Variants in RIT2 observed in about 807,000 individuals in gnomAD.
RIT2 encodes Ras like without CAAX 2, also known as GTP-binding protein Rit2.
RIT2 carries 24 observed loss-of-function variants against 23.7 expected under a neutral mutation model. The ratio of observed to expected loss-of-function variants is 1.01; its 90% CI spans 0.73 to 1.43. The LOEUF (loss-of-function observed/expected upper bound fraction) is 1.43, where lower values mean the gene tolerates loss of function less well. RIT2 is among the 40% of genes most tolerant of loss of function. The probability of loss-of-function intolerance (pLI) is 0.00; values close to 1 mark genes in which losing one functional copy is unlikely to be tolerated. For missense variants in RIT2, 236 were observed against 266.9 expected (o/e 0.88, Z 0.81); for synonymous variants, 107 against 91.1 (o/e 1.17, Z -0.99).
chr18:43,085,489 C>T (rs1913261751), intron 1 of RIT2, among the ~76,000 whole-genome samples: 1 of 152,150 alleles, frequency 6.6e-6, no homozygotes. Context: ...TCAATATCTT[C>T]TCTTTTTTCA....
chr18:42,835,085 T>C, intron 4 of RIT2, among the ~76,000 whole-genome samples: 1 of 152,174 alleles, frequency 6.6e-6, no homozygotes, highest in East Asian at 1.9e-4. Context: ...AGTTACAATG[T>C]TTCACTTTTA....
chr18:42,864,916 A>AT (rs1260607742), intron 4 of RIT2, among the ~76,000 whole-genome samples: 69 of 152,172 alleles, frequency 4.5e-4, no homozygotes, highest in African/African-American at 2.4e-5. Context: ...TATGCCTTGT[A>AT]TAAAAAGCCC....
intron 4 of RIT2, among the ~76,000 whole-genome samples, chr18:42,908,141 A>T (rs1465658139): frequency 6.6e-6 from 1 of 151,976 alleles, no homozygotes; most frequent in Non-Finnish European, 1.5e-5. Context: ...ACAAAGAAAA[A>T]AAAAAGCAAA....
At chr18:42,856,799 G>A (rs1907192735) in intron 4 of RIT2, among the ~76,000 whole-genome samples, 1 of 148,522 alleles carries the variant, frequency 6.7e-6, no homozygotes, top group Admixed American at 6.7e-5. Flanking sequence ...GCAATTCCTT[G>A]AGAAGTCTTT....
At chr18:43,041,966 A>G (rs1912138529) in intron 1 of RIT2, among the ~76,000 whole-genome samples, 1 of 152,126 alleles carries the variant, frequency 6.6e-6, no homozygotes, top group African/African-American at 2.4e-5. Context: ...ATAACTCATT[A>G]TTCCTCCTCC....
chr18:42,925,385 A>G (rs1598717288), intron 3 of RIT2, among the ~76,000 whole-genome samples: 1 of 152,184 alleles, frequency 6.6e-6, no homozygotes, highest in East Asian at 1.9e-4. Context: ...TCTCAAACTC[A>G]TAATTACATT....
intron 2 of RIT2, among the ~76,000 whole-genome samples, chr18:43,011,412 G>A (rs1206739632): frequency 6.6e-6 from 1 of 151,800 alleles, no homozygotes; most frequent in African/African-American, 2.4e-5. Context: ...ATCAGAGTGA[G>A]ACAAGACAAA....
chr18:43,087,596 T>C (rs1265596117), intron 1 of RIT2, among the ~76,000 whole-genome samples: 1 of 152,198 alleles, frequency 6.6e-6, no homozygotes, highest in Non-Finnish European at 1.5e-5. Context: ...TTCAACAATG[T>C]TGTGAATAAA....
intron 3 of RIT2, among the ~76,000 whole-genome samples, chr18:42,937,585 C>A (rs1038556464): frequency 6.6e-6 from 1 of 152,100 alleles, no homozygotes; most frequent in African/African-American, 2.4e-5. Flanking sequence ...AGGAGATGTG[C>A]TCTGGAAAGC....
chr18:43,105,450 AAGGAAGGGAGGAAGGGAGGAAGAG>A (rs1271845848), intron 1 of RIT2, among the ~76,000 whole-genome samples: 42 of 67,566 alleles, frequency 6.2e-4, no homozygotes, highest in Non-Finnish European at 1.0e-3. Flanking sequence ...GGAACAAAAA[AAGGAAGGGAGGAAGGGAGGAAGAG>A]AGGAAGGGAG....
chr18:42,906,007 CAT>C (rs1167959698), intron 4 of RIT2, among the ~76,000 whole-genome samples: 197 of 3,172 alleles, frequency 0.062, 1 homozygote, highest in Middle Eastern at 0.15. Context: ...TATATATATA[CAT>C]ATATATATAT....
At chr18:42,871,004 G>T (rs1433220454) in intron 4 of RIT2, among the ~76,000 whole-genome samples, 1 of 152,116 alleles carries the variant, frequency 6.6e-6, no homozygotes, top group Non-Finnish European at 1.5e-5. Context: ...GATGTGGACT[G>T]CAAAGCTATC....
At chr18:42,997,336 G>C (rs1438467570) in intron 2 of RIT2, among the ~76,000 whole-genome samples, 3 of 151,506 alleles carry the variant, frequency 2.0e-5, no homozygotes, top group Non-Finnish European at 4.4e-5. Context: ...TCAAAGTTAT[G>C]ACTGCATTTG....
At chr18:42,804,662 G>A (rs183254712) in intron 4 of RIT2, among the ~76,000 whole-genome samples, 1 of 149,302 alleles carries the variant, frequency 6.7e-6, no homozygotes, top group Admixed American at 6.7e-5. Flanking sequence ...CACAATAAAT[G>A]ATTAACTCAT....
chr18:42,814,958 C>G (rs1905953859), intron 4 of RIT2, among the ~76,000 whole-genome samples: 1 of 152,082 alleles, frequency 6.6e-6, no homozygotes, highest in Admixed American at 6.5e-5. Flanking sequence ...GAAGTCACAT[C>G]CATAGGAAAA....
chr18:42,844,455 G>T (rs971170738), intron 4 of RIT2, among the ~76,000 whole-genome samples: 15 of 152,156 alleles, frequency 9.9e-5, no homozygotes, highest in African/African-American at 2.9e-4. Context: ...TGATGGAAGT[G>T]GTTCTCAGTG....
At chr18:42,808,393 A>G (rs1214693104) in intron 4 of RIT2, among the ~76,000 whole-genome samples, 1 of 152,230 alleles carries the variant, frequency 6.6e-6, no homozygotes, top group African/African-American at 2.4e-5. Flanking sequence ...ATGTAAAGTC[A>G]TATTTTTTTG....
rs138352761 is a variant in RIT2 at position 42,928,591 on chromosome 18, G to C, written c.235-4828C>G. On this transcript the variant is annotated intron_variant, in intron 3 of 4. Transcript: ENST00000326695. ...CATGTGATTGTTGTTTCTTTTATTT[G>C]TATCTTTTAAATGAAAATACAGAAA... Among the ~76,000 whole-genome samples, 10 of 151,918 alleles carry C rather than the reference G, an allele frequency of 6.6e-5. No individual in the cohort carries two copies. In the East Asian group the frequency reaches 1.9e-3, roughly 29 times the overall value.
intron 4 of RIT2, among the ~76,000 whole-genome samples, chr18:42,898,120 G>A (rs530992870): frequency 1.3e-5 from 2 of 152,224 alleles, no homozygotes; most frequent in South Asian, 2.1e-4. Flanking sequence ...AAGTGTGGGC[G>A]GCCGGGCACA....
Sources: gnomAD v4.1 joint callset for allele counts (sites outside exome capture counted in the v4.1 genomes callset) on GRCh38, gnomAD v4.1.1 for gene constraint, MANE v1.5 for transcripts, NCBI Gene and HGNC (gene_info 2026-07-23, HGNC 2026-07-21) for gene names.